CNTNAP2: variants seen among roughly 807,000 people sequenced by gnomAD.
The protein encoded by CNTNAP2 is contactin-associated protein-like 2.
In CNTNAP2, 98 loss-of-function variants were observed where a neutral mutation model predicts 155.2. That is an observed-to-expected ratio of 0.63 (90% CI 0.54 to 0.75). The LOEUF is 0.75. Ranked by LOEUF, CNTNAP2 falls within the 30% of genes least tolerant of loss-of-function variation. The probability of loss-of-function intolerance (pLI) is 0.00; values close to 1 mark genes in which losing one functional copy is unlikely to be tolerated. For synonymous variants in CNTNAP2, 651 were observed against 631.2 expected (o/e 1.03, Z -0.47); for missense variants, 1,727 against 1,688.1 (o/e 1.02, Z -0.40).
At chr7:148,207,341 AG>A (rs1186465653) in intron 18 of CNTNAP2, among the ~76,000 whole-genome samples, 1 of 152,158 alleles carries the variant, frequency 6.6e-6, no homozygotes, top group East Asian at 1.9e-4. Flanking sequence ...GGCTGGCTGG[AG>A]CCACGTGGAG....
intron 15 of CNTNAP2, among the ~76,000 whole-genome samples, chr7:148,109,325 T>C (rs903805346): frequency 6.6e-6 from 1 of 152,128 alleles, no homozygotes; most frequent in Non-Finnish European, 1.5e-5. Flanking sequence ...CAATAAGAGA[T>C]GCAGATGAAC....
At chr7:146,958,853 A>C (rs1231867932) in intron 3 of CNTNAP2, among the ~76,000 whole-genome samples, 1 of 152,096 alleles carries the variant, frequency 6.6e-6, no homozygotes, top group African/African-American at 2.4e-5. Context: ...GTTTCTCTTC[A>C]TTATGATTCT....
chr7:146,628,357 T>C (rs1799455280), intron 1 of CNTNAP2, among the ~76,000 whole-genome samples: 1 of 152,136 alleles, frequency 6.6e-6, no homozygotes, highest in African/African-American at 2.4e-5. Context: ...AGAATAGTGG[T>C]TACCAGGAGC....
chr7:147,005,263 C>T (rs73465243), intron 3 of CNTNAP2, among the ~76,000 whole-genome samples: 8,368 of 152,040 alleles, frequency 0.055, 603 homozygotes, highest in African/African-American at 0.17. Context: ...ATGATGTAAT[C>T]GGTAACATTG....
At chr7:147,064,436 A>G (rs1051851427) in intron 4 of CNTNAP2, among the ~76,000 whole-genome samples, 1 of 152,176 alleles carries the variant, frequency 6.6e-6, no homozygotes, top group South Asian at 2.1e-4. Flanking sequence ...ACTTGATGAA[A>G]GGGTAGCATC....
chr7:147,744,375 G>A (rs1477261951), intron 13 of CNTNAP2, among the ~76,000 whole-genome samples: 1 of 152,132 alleles, frequency 6.6e-6, no homozygotes, highest in Non-Finnish European at 1.5e-5. Context: ...TAAACCATCT[G>A]TTGGTTGATA....
At chr7:147,367,812 G>A (rs1300759063) in intron 9 of CNTNAP2, among the ~76,000 whole-genome samples, 3 of 151,964 alleles carry the variant, frequency 2.0e-5, no homozygotes, top group Non-Finnish European at 2.9e-5. Flanking sequence ...AAAATTTTAT[G>A]AGAAGCCTGA....
At chr7:146,902,280 T>C (rs992271348) in intron 3 of CNTNAP2, among the ~76,000 whole-genome samples, 2 of 152,152 alleles carry the variant, frequency 1.3e-5, no homozygotes, top group Non-Finnish European at 2.9e-5. Flanking sequence ...CCTGAACTAC[T>C]CATAATTTCT....
At chr7:147,168,007 T>G (rs1802149571) in intron 8 of CNTNAP2, among the ~76,000 whole-genome samples, 1 of 149,214 alleles carries the variant, frequency 6.7e-6, no homozygotes, top group Non-Finnish European at 1.5e-5. Context: ...TACATGCATA[T>G]ATATACATAT....
intron 15 of CNTNAP2, among the ~76,000 whole-genome samples, chr7:148,053,061 C>T (rs1157598610): frequency 6.6e-6 from 1 of 151,966 alleles, no homozygotes; most frequent in Non-Finnish European, 1.5e-5. Flanking sequence ...AAACAAGAAA[C>T]ATCACCTAAA....
chr7:146,939,052 C>T (rs1481882529), intron 3 of CNTNAP2, among the ~76,000 whole-genome samples: 1 of 151,888 alleles, frequency 6.6e-6, no homozygotes, highest in Non-Finnish European at 1.5e-5. Context: ...CATAATGTAT[C>T]TAGGAGGAAA....
At position 147,012,244 on chromosome 7, in the gene CNTNAP2, A is replaced by G. The variant is rs574123692; in HGVS notation, c.403-31663A>G. 2.6e-5 allele frequency among the ~76,000 whole-genome samples: 4 copies of G among 152,284 alleles called. No individual in the cohort carries two copies. The South Asian group carries it at 8.3e-4, about 32-fold the overall frequency. On this transcript the variant is annotated intron_variant, in intron 3 of 23. Transcript: ENST00000361727. ...TCTAAATAAGCTTTGTGCATTAGATAGTAGTAATAGATGTAAAAACCCTCA... is the reference window on the plus strand; with the variant it reads ...TCTAAATAAGCTTTGTGCATTAGATGGTAGTAATAGATGTAAAAACCCTCA...
intron 1 of CNTNAP2, among the ~76,000 whole-genome samples, chr7:146,393,148 T>C (rs947889488): frequency 1.3e-5 from 2 of 152,328 alleles, no homozygotes; most frequent in African/African-American, 2.4e-5. Context: ...GAATGGTTTA[T>C]GTCAAATACT....
chr7:147,544,314 G>C (rs1799691479), intron 11 of CNTNAP2, among the ~76,000 whole-genome samples: 1 of 152,044 alleles, frequency 6.6e-6, no homozygotes. Context: ...ACATTTCAAT[G>C]GCCCCAGACT....
intron 21 of CNTNAP2, among the ~76,000 whole-genome samples, chr7:148,312,381 G>T (rs1484963715): frequency 1.3e-5 from 2 of 152,190 alleles, no homozygotes; most frequent in African/African-American, 4.8e-5. Flanking sequence ...GAAGAAATTT[G>T]GGCTTGACTG....
intron 3 of CNTNAP2, among the ~76,000 whole-genome samples, chr7:147,032,473 C>T (rs1198165735): frequency 2.0e-5 from 3 of 152,180 alleles, no homozygotes; most frequent in Non-Finnish European, 4.4e-5. Flanking sequence ...TGTTTGTCTT[C>T]TGTTTCTGTG....
intron 8 of CNTNAP2, among the ~76,000 whole-genome samples, chr7:147,183,562 A>AGTGTGTGT (rs112187548): frequency 4.4e-4 from 66 of 151,366 alleles, no homozygotes; most frequent in African/African-American, 7.0e-4. Flanking sequence ...TTGTTAAATA[A>AGTGTGTGT]GTGTGTGTGT....
Position 148,147,770 on chromosome 7 carries a change from CAA to C in CNTNAP2, c.2773+75_2773+76del, listed in dbSNP as rs5888307. The C allele has an allele frequency of 0.046, 54,298 of 1,193,306 alleles. 27 individuals carry two copies. Among genetic ancestry groups the C allele is most frequent in the East Asian group, 0.069 (2,436 of 35,458 alleles). The allele number at this position is 1,193,306 out of a possible 1,614,324, so 73.9% of individuals were successfully genotyped here. Reference sequence around the variant, plus strand: ...TTGATTTTTAAGAGCCTGCACAATACAAAAAAAAAAAAAAATCAGCCTATGCA... The same window carrying C: ...TTGATTTTTAAGAGCCTGCACAATACAAAAAAAAAAAAATCAGCCTATGCA... On this transcript the variant is annotated intron_variant, in intron 17 of 23. Transcript: ENST00000361727.
intron 13 of CNTNAP2, among the ~76,000 whole-genome samples, chr7:147,821,875 G>A (rs962555649): frequency 1.3e-5 from 2 of 152,118 alleles, no homozygotes; most frequent in Admixed American, 6.6e-5. Flanking sequence ...GGAAGTTACT[G>A]AAAGAGTATA....
Sources: gnomAD v4.1 joint callset for allele counts (sites outside exome capture counted in the v4.1 genomes callset) on GRCh38, gnomAD v4.1.1 for gene constraint, MANE v1.5 for transcripts, NCBI Gene and HGNC (gene_info 2026-07-23, HGNC 2026-07-21) for gene names.